MYO16: variants seen among roughly 807,000 people sequenced by gnomAD.
MYO16 encodes myosin XVI, also known as unconventional myosin-XVI.
In MYO16, 94 loss-of-function variants were observed where a neutral mutation model predicts 205.3. The ratio of observed to expected loss-of-function variants is 0.46; its 90% CI spans 0.39 to 0.54. The LOEUF (loss-of-function observed/expected upper bound fraction) is 0.54, where lower values mean the gene tolerates loss of function less well. MYO16 is among the 20% of genes least tolerant of loss of function. The pLI, the probability that MYO16 is intolerant of heterozygous loss-of-function variation, is 0.00. For missense variants in MYO16, 2,315 were observed against 2,387.5 expected (o/e 0.97, Z 0.63); for synonymous variants, 988 against 954.0 (o/e 1.04, Z -0.66).
intron 32 of MYO16, among the ~76,000 whole-genome samples, chr13:109,153,452 A>C (rs1275308697): frequency 6.6e-6 from 1 of 152,212 alleles, no homozygotes; most frequent in African/African-American, 2.4e-5. Flanking sequence ...GTTCATTTAC[A>C]TGTGAACCTA....
At chr13:108,521,350 G>C in the MYO16 span, among the ~76,000 whole-genome samples, 1 of 152,206 alleles carries the variant, frequency 6.6e-6, no homozygotes, top group South Asian at 2.1e-4. Flanking sequence ...AATCAATACA[G>C]ACTATATAAG....
Position 108,800,163 on chromosome 13 carries a change from C to A in MYO16, c.742-6516C>A, listed in dbSNP as rs148776597. Among the ~76,000 whole-genome samples the A allele has an allele frequency of 2.2e-4, 33 of 152,254 alleles. No homozygotes were observed. In the East Asian group the frequency reaches 5.6e-3, roughly 26 times the overall value. ...AGCTGTGCTTGCTCCATGAGGCACC[C>A]CCTAAAATAGAACCAGAAATGACCA... On this transcript the variant is annotated intron_variant, in intron 6 of 34. Coordinates refer to ENST00000457511, the MANE Select transcript of MYO16 (RefSeq NM_001198950.3).
At chr13:108,705,049 A>G (rs1003077737) in intron 2 of MYO16, among the ~76,000 whole-genome samples, 1 of 150,138 alleles carries the variant, frequency 6.7e-6, no homozygotes, top group African/African-American at 2.5e-5. Flanking sequence ...TTTGATTTCC[A>G]TGGTTTTAGG....
chr13:108,651,528 C>T (rs1881004395), intron 1 of MYO16, among the ~76,000 whole-genome samples: 1 of 152,140 alleles, frequency 6.6e-6, no homozygotes, highest in South Asian at 2.1e-4. Context: ...TTACATTATA[C>T]AGTAATTTTT....
At chr13:108,578,773 CT>C in the MYO16 span, among the ~76,000 whole-genome samples, 1 of 152,080 alleles carries the variant, frequency 6.6e-6, no homozygotes, top group African/African-American at 2.4e-5. Flanking sequence ...TCCCCAGGTC[CT>C]TTACTTTCTA....
chr13:108,547,857 T>C, the MYO16 span, among the ~76,000 whole-genome samples: 2 of 152,220 alleles, frequency 1.3e-5, no homozygotes, highest in Non-Finnish European at 1.5e-5. Flanking sequence ...ATTCTCTTAT[T>C]CTAATATGGA....
rs1407606194 is a variant in MYO16 at position 109,207,213 on chromosome 13, G to T, written c.*377G>T. On this transcript the variant is annotated 3_prime_UTR_variant, in exon 35 of 35. Transcript: ENST00000457511. ...TTGTTTTTCTACGGTTCAACAGTCT[G>T]TTTATTGTACTTCCAATGGTTTTAT... 1 of 191,846 alleles carries T rather than the reference G, an allele frequency of 5.2e-6. No homozygotes were observed. Among genetic ancestry groups the T allele is most frequent in the Non-Finnish European group, 1.1e-5 (1 of 92,498 alleles). 11.9% of individuals were successfully genotyped at this position (191,846 alleles called of 1,614,324 possible).
chr13:108,586,882 A>G, the MYO16 span, among the ~76,000 whole-genome samples: 2 of 152,196 alleles, frequency 1.3e-5, no homozygotes, highest in Non-Finnish European at 1.5e-5. Flanking sequence ...AATATTCTGA[A>G]AAGCGCCTAT....
chr13:109,057,957 G>A (rs890766212), intron 27 of MYO16, among the ~76,000 whole-genome samples: 17 of 152,064 alleles, frequency 1.1e-4, no homozygotes, highest in African/African-American at 4.1e-4. Context: ...TTGTTTAACT[G>A]TAGTAACTCC....
chr13:108,938,636 A>G (rs999756858), intron 16 of MYO16, among the ~76,000 whole-genome samples: 4 of 152,230 alleles, frequency 2.6e-5, no homozygotes, highest in Non-Finnish European at 5.9e-5. Context: ...GGCATGGAGC[A>G]GAGAGGGACC....
chr13:108,506,570 GTA>G, the MYO16 span, among the ~76,000 whole-genome samples: 12 of 152,108 alleles, frequency 7.9e-5, no homozygotes, highest in South Asian at 2.1e-4. Flanking sequence ...ATGTATGTGT[GTA>G]TGTGTGTGTG....
the MYO16 span, among the ~76,000 whole-genome samples, chr13:108,564,129 G>T: frequency 3.4e-5 from 5 of 147,982 alleles, no homozygotes; most frequent in South Asian, 4.3e-4. Flanking sequence ...CGTTTCATTT[G>T]TCTGTCTTCT....
intron 33 of MYO16, among the ~76,000 whole-genome samples, chr13:109,172,864 T>G (rs1246702090): frequency 6.6e-6 from 1 of 152,224 alleles, no homozygotes; most frequent in Non-Finnish European, 1.5e-5. Context: ...AATTCGTTTC[T>G]CTGAAACCAT....
intron 9 of MYO16, among the ~76,000 whole-genome samples, chr13:108,833,510 G>C (rs1050301192): frequency 1.3e-5 from 2 of 152,122 alleles, no homozygotes; most frequent in African/African-American, 4.8e-5. Flanking sequence ...AGTCACACAT[G>C]CCATATCTTT....
intron 12 of MYO16, among the ~76,000 whole-genome samples, chr13:108,880,742 A>G (rs1023833035): frequency 1.3e-5 from 2 of 152,218 alleles, no homozygotes; most frequent in Non-Finnish European, 2.9e-5. Context: ...TGGGACCAGT[A>G]CCATGCTGTT....
chr13:108,763,928 A>G (rs920120335), intron 4 of MYO16, among the ~76,000 whole-genome samples: 1 of 151,210 alleles, frequency 6.6e-6, no homozygotes, highest in African/African-American at 2.4e-5. Context: ...AAGTAAACCA[A>G]TTAAGAGATT....
chr13:108,964,321 A>G (rs1566435564), intron 19 of MYO16, among the ~76,000 whole-genome samples: 1 of 152,280 alleles, frequency 6.6e-6, no homozygotes, highest in South Asian at 2.1e-4. Flanking sequence ...CTTCTTTCCA[A>G]ACTCCAGAAC....
intron 2 of MYO16, among the ~76,000 whole-genome samples, chr13:108,698,062 G>A (rs554875091): frequency 5.3e-5 from 8 of 152,192 alleles, no homozygotes; most frequent in African/African-American, 1.4e-4. Context: ...TTCCTCCTCT[G>A]CAGATTGTGC....
At position 108,849,525 on chromosome 13, in the gene MYO16, T is replaced by TTGTGTGTGTGTGTG. The variant is rs112815062; in HGVS notation, c.1248+5046_1248+5059dup. Among the ~76,000 whole-genome samples the TTGTGTGTGTGTGTG allele has an allele frequency of 5.5e-5, 7 of 127,774 alleles. No homozygotes were observed. The East Asian group carries it at 6.8e-4, about 12-fold the overall frequency. The allele number at this position is 127,774 out of a possible 152,430, so 83.8% of individuals were successfully genotyped here. On this transcript the variant is annotated intron_variant, in intron 10 of 34. Coordinates refer to ENST00000457511, the MANE Select transcript of MYO16 (RefSeq NM_001198950.3). ...TCTTTTTTTTTTTTAATTTCCTCCT[T>TTGTGTGTGTGTGTG]TGTGTGTGTGTGTGTGTGTGTGTGT...
Sources: allele counts gnomAD v4.1 joint callset (sites outside exome capture counted in the v4.1 genomes callset), GRCh38; gene constraint gnomAD v4.1.1; transcripts MANE v1.5; gene names NCBI Gene and HGNC (gene_info 2026-07-23, HGNC 2026-07-21).